The following KDM4C variants were observed in gnomAD, a reference collection of about 807,000 sequenced individuals.
KDM4C encodes lysine demethylase 4C, also known as lysine-specific demethylase 4C.
In KDM4C, 81 loss-of-function variants were observed where a neutral mutation model predicts 129.3. The ratio of observed to expected loss-of-function variants is 0.63; its 90% CI spans 0.52 to 0.75. The LOEUF (loss-of-function observed/expected upper bound fraction) is 0.75. KDM4C is among the 30% of genes least tolerant of loss of function. The probability of loss-of-function intolerance (pLI) is 0.00; values close to 1 mark genes in which losing one functional copy is unlikely to be tolerated. For missense variants in KDM4C, 1,457 were observed against 1,304.0 expected, an observed-to-expected ratio of 1.12 and a Z score of -1.81; for synonymous variants, 573 against 456.1, an observed-to-expected ratio of 1.26 and a Z score of -3.26.
intron 19 of KDM4C, among the ~76,000 whole-genome samples, chr9:7,155,504 C>T (rs575276761): frequency 2.0e-5 from 3 of 152,238 alleles, no homozygotes; most frequent in East Asian, 1.9e-4. Context: ...CTATCCCTCC[C>T]GCATCCCCCC....
Position 7,151,599 on chromosome 9 carries a change from C to T in KDM4C, c.2782-13639C>T, listed in dbSNP as rs185069647. Among the ~76,000 whole-genome samples, 193 of 152,226 alleles carry T rather than the reference C, an allele frequency of 1.3e-3. 1 individual carries two copies. Among genetic ancestry groups the T allele is most frequent in the African/African-American group, 4.2e-3 (176 of 41,526 alleles). ...CTGAGGTGGGAGAATCACCTGAGCC[C>T]GGGAAGCCAAGGCTGCAGTGAGCTG... On this transcript the variant is annotated intron_variant, in intron 19 of 21. Transcript: ENST00000381309.
At chr9:6,853,086 G>T (rs1007250766) in intron 5 of KDM4C, among the ~76,000 whole-genome samples, 1 of 151,938 alleles carries the variant, frequency 6.6e-6, no homozygotes, top group Non-Finnish European at 1.5e-5. Flanking sequence ...ACAGGGCCTG[G>T]CTATAGGAGC....
Position 6,848,084 on chromosome 9 carries a change from G to A in KDM4C, c.436-1423G>A, listed in dbSNP as rs889092808. 2.0e-5 allele frequency among the ~76,000 whole-genome samples: 3 copies of A among 152,028 alleles called. No individual in the cohort carries two copies. In the South Asian group the frequency reaches 6.3e-4, roughly 32 times the overall value. ...ATTTTTTATTTTTAAAATAGACATG[G>A]GGTCTTGCCATGTTTCCCAGGCTGG... On this transcript the variant is annotated intron_variant, in intron 4 of 21. Transcript: ENST00000381309.
At chr9:6,949,738 A>C (rs1827768965) in intron 8 of KDM4C, among the ~76,000 whole-genome samples, 1 of 152,230 alleles carries the variant, frequency 6.6e-6, no homozygotes, top group Admixed American at 6.5e-5. Context: ...GGCACTCAGC[A>C]GGCTGAGGCA....
chr9:6,850,779 G>A (rs899474271), intron 5 of KDM4C, among the ~76,000 whole-genome samples: 4 of 148,588 alleles, frequency 2.7e-5, no homozygotes, highest in African/African-American at 9.9e-5. Flanking sequence ...TTTCGAGACA[G>A]GGTCTCACTC....
intron 10 of KDM4C, among the ~76,000 whole-genome samples, chr9:6,984,833 G>T (rs913156723): frequency 2.6e-5 from 4 of 151,998 alleles, no homozygotes; most frequent in Non-Finnish European, 5.9e-5. Context: ...ATAATGAAAA[G>T]TCAACCTAGT....
In KDM4C at chr9:6,958,269, G is replaced by A. The variant is rs151241398; in HGVS notation, c.922-22656G>A. Among the ~76,000 whole-genome samples the A allele has an allele frequency of 2.0e-5, 3 of 152,168 alleles. No homozygotes were observed. The East Asian group carries it at 5.8e-4, about 29-fold the overall frequency. ...TTACTAGAAATTATTTAACTACTGTGACAGCAGCTAAGGATAAGAATTATA... is the reference window on the plus strand; with the variant it reads ...TTACTAGAAATTATTTAACTACTGTAACAGCAGCTAAGGATAAGAATTATA... On this transcript the variant is annotated intron_variant, in intron 8 of 21. Coordinates refer to ENST00000381309, the MANE Select transcript of KDM4C (RefSeq NM_015061.6).
At chr9:6,868,306 C>T (rs1183817965) in intron 5 of KDM4C, among the ~76,000 whole-genome samples, 2 of 152,142 alleles carry the variant, frequency 1.3e-5, no homozygotes, top group Non-Finnish European at 2.9e-5. Context: ...CGTGAGGAAA[C>T]TTGAGGAAAA....
At chr9:6,839,800 A>G (rs1371718143) in intron 4 of KDM4C, among the ~76,000 whole-genome samples, 2 of 151,760 alleles carry the variant, frequency 1.3e-5, no homozygotes, top group Non-Finnish European at 2.9e-5. Context: ...TACTCAGGAG[A>G]CTGAGGTCAG....
intron 1 of KDM4C, among the ~76,000 whole-genome samples, chr9:6,769,128 G>A (rs756315168): frequency 6.6e-6 from 1 of 151,750 alleles, no homozygotes. Context: ...AAGTGAAGCT[G>A]GTTTGCAGTT....
rs1049504002 is a variant in KDM4C at position 6,840,059 on chromosome 9, A to C, written c.436-9448A>C. ...TGATACATTTGCTGTTGAGGAGACT[A>C]ACTGTTCTGTTATAATTTCCTCTTT... is the stretch of plus-strand genomic sequence containing the variant. On this transcript the variant is annotated intron_variant, in intron 4 of 21. Coordinates refer to ENST00000381309, the MANE Select transcript of KDM4C (RefSeq NM_015061.6). 2.6e-5 allele frequency among the ~76,000 whole-genome samples: 4 copies of C among 151,976 alleles called. No individual in the cohort carries two copies. The East Asian group carries it at 7.8e-4, about 29-fold the overall frequency.
chr9:7,007,916 A>G (rs1364769653), intron 12 of KDM4C, among the ~76,000 whole-genome samples: 1 of 152,224 alleles, frequency 6.6e-6, no homozygotes, highest in Non-Finnish European at 1.5e-5. Flanking sequence ...CATCAGCAAG[A>G]CAGTGGAATA....
intron 18 of KDM4C, among the ~76,000 whole-genome samples, chr9:7,125,666 T>A (rs955377718): frequency 6.6e-6 from 1 of 152,246 alleles, no homozygotes; most frequent in Non-Finnish European, 1.5e-5. Context: ...TTCTGGATGA[T>A]GATAAACTGT....
intron 17 of KDM4C, among the ~76,000 whole-genome samples, chr9:7,078,403 T>G (rs1834160483): frequency 6.6e-6 from 1 of 151,942 alleles, no homozygotes; most frequent in South Asian, 2.1e-4. Flanking sequence ...TTTTTTTTTT[T>G]GTCTTCAACA....
At chr9:6,771,173 T>A (rs1821762079) in intron 1 of KDM4C, among the ~76,000 whole-genome samples, 1 of 146,238 alleles carries the variant, frequency 6.8e-6, no homozygotes, top group South Asian at 2.2e-4. Flanking sequence ...AGTGATCCTC[T>A]TGCCTTGGCC....
intron 18 of KDM4C, among the ~76,000 whole-genome samples, chr9:7,125,945 C>T (rs997431360): frequency 6.6e-6 from 1 of 152,202 alleles, no homozygotes; most frequent in Non-Finnish European, 1.5e-5. Context: ...ATGTTGGCTG[C>T]AGTCTCTTCC....
At chr9:6,993,864 G>T (rs1819207051) in intron 12 of KDM4C, among the ~76,000 whole-genome samples, 1 of 152,164 alleles carries the variant, frequency 6.6e-6, no homozygotes, top group Non-Finnish European at 1.5e-5. Flanking sequence ...CAATTTCTTT[G>T]TGTGGCTTTG....
intron 8 of KDM4C, among the ~76,000 whole-genome samples, chr9:6,913,167 G>A (rs1165235266): frequency 3.3e-5 from 5 of 151,970 alleles, no homozygotes; most frequent in Non-Finnish European, 5.9e-5. Context: ...ACTTATTCTG[G>A]GATAAGGAAT....
At chr9:7,123,632 T>G (rs1021498641) in intron 18 of KDM4C, among the ~76,000 whole-genome samples, 1 of 152,246 alleles carries the variant, frequency 6.6e-6, no homozygotes, top group Admixed American at 6.5e-5. Context: ...GTTCTGGCAC[T>G]GATTCGTAGA....
Sources: allele counts gnomAD v4.1 joint callset (sites outside exome capture counted in the v4.1 genomes callset), GRCh38; gene constraint gnomAD v4.1.1; transcripts MANE v1.5; gene names NCBI Gene and HGNC (gene_info 2026-07-23, HGNC 2026-07-21).